WDFY4: variants seen among roughly 807,000 people sequenced by gnomAD.
WDFY4 encodes WD repeat- and FYVE domain-containing protein 4.
WDFY4 carries 169 observed loss-of-function variants against 351.9 expected under a neutral mutation model. The ratio of observed to expected loss-of-function variants is 0.48; its 90% CI spans 0.42 to 0.55. WDFY4 has a LOEUF of 0.55. Ranked by LOEUF, WDFY4 falls within the 20% of genes least tolerant of loss-of-function variation. WDFY4 has a pLI of 0.00. For missense variants in WDFY4, 3,803 were observed against 3,935.6 expected (o/e 0.97, Z 0.90); for synonymous variants, 1,622 against 1,574.6 (o/e 1.03, Z -0.71).
intron 58 of WDFY4, 59 bp downstream of exon 58, chr10:48,975,100 C>A: frequency 6.5e-7 from 1 of 1,549,016 alleles, no homozygotes. Flanking sequence ...TGGGGTACAA[C>A]ACTCAGGAGA....
chr10:48,957,530 A>G (rs1178110414), intron 52 of WDFY4, among the ~76,000 whole-genome samples: 1 of 152,218 alleles, frequency 6.6e-6, no homozygotes, highest in Non-Finnish European at 1.5e-5. Context: ...CGAGGGTCCC[A>G]GGTCTCAGTT....
In WDFY4 at chr10:48,729,609, G is replaced by A; in HGVS notation, c.1129+20G>A. On this transcript the variant is annotated intron_variant, in intron 8 of 61. Coordinates refer to ENST00000325239, the MANE Select transcript of WDFY4 (RefSeq NM_001394531.1). ...CATCTGGTGAGTCTTTCCTGTGTCT[G>A]GGTGACCGGAAGAGTCAGTGCTGAG... 1 of 1,551,024 alleles carries A rather than the reference G, an allele frequency of 6.4e-7. No individual in the cohort carries two copies. Among genetic ancestry groups the A allele is most frequent in the South Asian group, 1.2e-5 (1 of 83,972 alleles).
At chr10:48,688,396 A>G (rs1208856953) in intron 1 of WDFY4, among the ~76,000 whole-genome samples, 2 of 152,250 alleles carry the variant, frequency 1.3e-5, no homozygotes, top group African/African-American at 4.8e-5. Context: ...AAGAAGTGAT[A>G]TCTTTATGAA....
chr10:48,743,535 G>C lies in WDFY4; in HGVS notation c.2446G>C (p.Asp816His). 3 of 1,533,604 alleles carry C rather than the reference G, an allele frequency of 2.0e-6. No individual in the cohort carries two copies. Among genetic ancestry groups the C allele is most frequent in the Non-Finnish European group, 2.6e-6 (3 of 1,143,086 alleles). The allele number at this position is 1,533,604 out of a possible 1,614,324, so 95.0% of individuals were successfully genotyped here. A position where few individuals can be genotyped will look rare whatever the true frequency, so the allele number is the denominator to read the frequency against. ...DPQRNFKQWPDLEERMDEGDA... is the reference protein window; with the variant it reads ...DPQRNFKQWPHLEERMDEGDA... ...CCAACGCAACTTCAAGCAGTGGCCAGACCTGGAGGAGAGGTAGCTTCTTCT... is the reference window on the plus strand; with the variant it reads ...CCAACGCAACTTCAAGCAGTGGCCACACCTGGAGGAGAGGTAGCTTCTTCT... The change falls in exon 12 of 62, where the codon GAC becomes CAC. Residue 816 changes from aspartate to histidine, a missense_variant. Asp to His is a moderately conservative substitution (Grantham distance 81, BLOSUM62 -1). Around this residue, in one of 3 missense-constraint regions of WDFY4, gnomAD observed 3,054 missense variants for 3,148.6 expected, o/e 0.97. Transcript: ENST00000325239.
intron 13 of WDFY4, among the ~76,000 whole-genome samples, chr10:48,770,302 A>G (rs758921251): frequency 6.6e-6 from 1 of 152,250 alleles, no homozygotes; most frequent in Non-Finnish European, 1.5e-5. Flanking sequence ...GATTTTAAGT[A>G]TTCCTGCTAT....
At chr10:48,823,035 C>A in intron 35 of WDFY4, 2 of 872,844 alleles carry the variant, frequency 2.3e-6, no homozygotes, top group Non-Finnish European at 3.1e-6. Flanking sequence ...TCCAGATAAA[C>A]AGGTATAGTT....
At chr10:48,729,377 C>G in intron 7 of WDFY4, 55 bp from the exon 8 acceptor site, 1 of 1,540,864 alleles carries the variant, frequency 6.5e-7, no homozygotes, top group Non-Finnish European at 8.8e-7. Context: ...ACCATGCACG[C>G]ATGTGGCTGC....
intron 12 of WDFY4, among the ~76,000 whole-genome samples, chr10:48,747,778 A>C (rs2065059133): frequency 1.3e-5 from 2 of 152,120 alleles, no homozygotes; most frequent in African/African-American, 4.8e-5. Context: ...CAAGAATCAT[A>C]ATTATTTCTT....
chr10:48,706,319 A>G (rs766919133), intron 1 of WDFY4, among the ~76,000 whole-genome samples: 3 of 152,172 alleles, frequency 2.0e-5, no homozygotes, highest in Non-Finnish European at 4.4e-5. Context: ...TGTGGCTCTC[A>G]GTGGTAATTA....
intron 34 of WDFY4, 146 bp downstream of exon 34, chr10:48,821,322 A>C: frequency 6.5e-6 from 4 of 616,144 alleles, no homozygotes; most frequent in South Asian, 2.1e-5. Flanking sequence ...ATCAACAAGA[A>C]CTCCCTGGCT....
Position 48,923,506 on chromosome 10 carries a change from A to ATATATATATGTATGTATG in WDFY4, c.7587-18293_7587-18292insATGTATGTATGTATATAT, listed in dbSNP as rs143983467. Among the ~76,000 whole-genome samples the ATATATATATGTATGTATG allele has an allele frequency of 2.3e-4, 26 of 115,108 alleles. 4 individuals are homozygous for ATATATATATGTATGTATG. The highest frequency in any genetic ancestry group is 7.2e-4 in the Admixed American group (7 of 9,724). The allele number at this position is 115,108 out of a possible 152,430, so 75.5% of individuals were successfully genotyped here. A position where few individuals can be genotyped will look rare whatever the true frequency, so the allele number is the denominator to read the frequency against. ...AACAAATAGTTTTTAGTATATATAT[A>ATATATATATGTATGTATG]TATATATGTCCCAAATACCGCATAG... On this transcript the variant is annotated intron_variant, in intron 47 of 61. Coordinates refer to ENST00000325239, the MANE Select transcript of WDFY4 (RefSeq NM_001394531.1).
chr10:48,970,646 T>C (rs2131837073), intron 57 of WDFY4, among the ~76,000 whole-genome samples: 1 of 152,328 alleles, frequency 6.6e-6, no homozygotes, highest in East Asian at 1.9e-4. Flanking sequence ...TCAGATAATA[T>C]TTTTTGAGCA....
rs115295375 is a variant in WDFY4 at position 48,822,210 on chromosome 10, T to A, written c.5825-170T>A. ...CAGATTACTCAAGATCTGTTCATTT[T>A]GATTAAATGTGTGTGTGTTGGGCAC... On this transcript the variant is annotated intron_variant, in intron 34 of 61. Transcript: ENST00000325239. Among the ~76,000 whole-genome samples, 1,195 of 152,342 alleles carry A rather than the reference T, an allele frequency of 7.8e-3. 14 individuals are homozygous for A. Among genetic ancestry groups the A allele is most frequent in the African/African-American group, 0.027 (1,119 of 41,572 alleles).
intron 49 of WDFY4, 21 bp downstream of exon 49, chr10:48,943,470 C>G (rs1002707315): frequency 6.5e-7 from 1 of 1,549,102 alleles, no homozygotes; most frequent in Non-Finnish European, 8.7e-7. Flanking sequence ...CACGTGGAAA[C>G]CACAGCTGCC....
Position 48,775,745 on chromosome 10 carries a change from G to T in WDFY4, c.2802G>T (p.Leu934=). The T allele has an allele frequency of 6.4e-7, 1 of 1,551,672 alleles. No individual in the cohort carries two copies. The highest frequency in any genetic ancestry group is 8.7e-7 in the Non-Finnish European group (1 of 1,146,992). The change falls in exon 15 of 62, where the codon CTG becomes CTT. Residue 934 remains leucine (L), a synonymous_variant. Transcript: ENST00000325239. ...QFLGLGIPSS[L]SATTKILDSS... ...TAGGTCTTGGAATTCCCTCATCTCT[G>T]TCGGCCACAACAAAAATCCTTGATT... is the stretch of plus-strand genomic sequence containing the variant.
chr10:48,757,570 C>A (rs577761106), intron 12 of WDFY4, among the ~76,000 whole-genome samples: 1 of 152,050 alleles, frequency 6.6e-6, no homozygotes, highest in Non-Finnish European at 1.5e-5. Context: ...TAGTGTCTAT[C>A]AGTTTTTAAT....
At chr10:48,879,399 A>C (rs1446291571) in intron 43 of WDFY4, among the ~76,000 whole-genome samples, 1 of 152,090 alleles carries the variant, frequency 6.6e-6, no homozygotes, top group Admixed American at 6.5e-5. Context: ...AACAGATATC[A>C]TGCTCCAGCT....
chr10:48,974,527 A>AAAACAACAAAAAAAAAAACAAC, intron 57 of WDFY4, among the ~76,000 whole-genome samples: 1 of 23,148 alleles, frequency 4.3e-5, no homozygotes, highest in Non-Finnish European at 1.9e-4. Flanking sequence ...AAAAAAAAAA[A>AAAACAACAAAAAAAAAAACAAC]AACAACTCAT....
chr10:48,774,335 TG>T, intron 13 of WDFY4, 122 bp from the exon 14 acceptor site: 1 of 975,482 alleles, frequency 1.0e-6, no homozygotes, highest in Non-Finnish European at 1.6e-6. Flanking sequence ...GTAGTGGGGA[TG>T]GGGTATGGTG....
Sources: allele counts gnomAD v4.1 joint callset (sites outside exome capture counted in the v4.1 genomes callset), GRCh38; gene constraint gnomAD v4.1.1; regional missense constraint gnomAD v4.1.1; transcripts MANE v1.5; gene names NCBI Gene and HGNC (gene_info 2026-07-23, HGNC 2026-07-21).